The following LINGO2 variants were observed in gnomAD, a reference collection of about 807,000 sequenced individuals.
LINGO2 encodes leucine-rich repeat and immunoglobulin-like domain-containing nogo receptor-interacting protein 2.
LINGO2 carries 14 observed loss-of-function variants against 30.6 expected under a neutral mutation model. The observed-to-expected ratio is 0.46, with a 90% CI of 0.30 to 0.72. The LOEUF (loss-of-function observed/expected upper bound fraction) is 0.72, where lower values mean the gene tolerates loss of function less well. Among genes scored for constraint, LINGO2 ranks in the 30% least tolerant of loss-of-function variants. The pLI, the probability that LINGO2 is intolerant of heterozygous loss-of-function variation, is 0.07. For synonymous variants in LINGO2, 317 were observed against 288.5 expected (o/e 1.10, Z -1.00); for missense variants, 729 against 751.7 (o/e 0.97, Z 0.35).
At chr9:28,162,545 T>C (rs1033202566) in intron 4 of LINGO2, among the ~76,000 whole-genome samples, 3 of 152,154 alleles carry the variant, frequency 2.0e-5, no homozygotes, top group Non-Finnish European at 4.4e-5. Flanking sequence ...CAATGAAGGA[T>C]AAAATGCTTG....
chr9:28,984,921 C>T, the LINGO2 span, among the ~76,000 whole-genome samples: 1 of 151,776 alleles, frequency 6.6e-6, no homozygotes, highest in Non-Finnish European at 1.5e-5. Context: ...AATACATTAC[C>T]ATCACTATAT....
chr9:29,172,181 A>T, the LINGO2 span, among the ~76,000 whole-genome samples: 2 of 152,002 alleles, frequency 1.3e-5, no homozygotes, highest in Admixed American at 1.3e-4. Context: ...ATAAAATGTG[A>T]TTAGAGTATT....
At chr9:28,017,463 C>G (rs576697592) in intron 4 of LINGO2, among the ~76,000 whole-genome samples, 10 of 152,240 alleles carry the variant, frequency 6.6e-5, no homozygotes, top group African/African-American at 1.4e-4. Flanking sequence ...CCAAAAGCCC[C>G]TTGGTCAGAT....
At chr9:27,986,192 G>T (rs1056994778) in intron 5 of LINGO2, among the ~76,000 whole-genome samples, 3 of 151,140 alleles carry the variant, frequency 2.0e-5, no homozygotes, top group African/African-American at 7.3e-5. Context: ...AGACAGAAAA[G>T]AGACAGAAGA....
At chr9:28,841,128 A>G in the LINGO2 span, among the ~76,000 whole-genome samples, 8 of 151,876 alleles carry the variant, frequency 5.3e-5, no homozygotes, top group African/African-American at 1.7e-4. Flanking sequence ...ATAGTCCTAT[A>G]AATTTTTACT....
chr9:28,322,380 T>G (rs780655563), intron 3 of LINGO2, among the ~76,000 whole-genome samples: 2 of 151,940 alleles, frequency 1.3e-5, no homozygotes, highest in Non-Finnish European at 2.9e-5. Context: ...TAAGATTCAC[T>G]GAGAATAGTA....
At chr9:28,987,655 C>A in the LINGO2 span, among the ~76,000 whole-genome samples, 2 of 152,138 alleles carry the variant, frequency 1.3e-5, no homozygotes, top group African/African-American at 2.4e-5. Context: ...GATCCCTCTT[C>A]TTTTGTAATA....
Position 28,020,926 on chromosome 9 carries a change from T to A in LINGO2, c.-86-8521A>T, listed in dbSNP as rs542867695. On this transcript the variant is annotated intron_variant, in intron 4 of 5. Transcript: ENST00000379992. ...TTGGTAATTTGTGGCTTTTCCTTAT[T>A]ATTATTTTTGGCTAGCCTGGCTAAA... Among the ~76,000 whole-genome samples the A allele has an allele frequency of 2.6e-5, 4 of 152,300 alleles. No individual in the cohort carries two copies. In the South Asian group the frequency reaches 8.3e-4, roughly 32 times the overall value.
chr9:29,010,265 T>G, the LINGO2 span, among the ~76,000 whole-genome samples: 1 of 151,860 alleles, frequency 6.6e-6, no homozygotes, highest in African/African-American at 2.4e-5. Context: ...TGGGAGAAAA[T>G]TTTTACAATC....
intron 1 of LINGO2, among the ~76,000 whole-genome samples, chr9:28,553,335 G>A (rs1363206046): frequency 6.6e-6 from 1 of 152,036 alleles, no homozygotes; most frequent in African/African-American, 2.4e-5. Flanking sequence ...CAAGGCTCGA[G>A]AACTACGTGA....
intron 1 of LINGO2, among the ~76,000 whole-genome samples, chr9:28,504,669 T>C (rs1820033003): frequency 1.3e-5 from 2 of 151,726 alleles, no homozygotes; most frequent in Admixed American, 1.3e-4. Context: ...ATATGTATTT[T>C]ATACCTAATA....
In LINGO2 at chr9:28,503,704, G is replaced by T. The variant is rs554426353; in HGVS notation, c.-364-27679C>A. Reference sequence around the variant, plus strand: ...TTATTCTTTGAAAAGAAACTGTACTGGAAGGGATAAAATAGTCAGTAAAGT... The same window carrying T: ...TTATTCTTTGAAAAGAAACTGTACTTGAAGGGATAAAATAGTCAGTAAAGT... On this transcript the variant is annotated intron_variant, in intron 1 of 5. Coordinates refer to ENST00000379992, the Ensembl canonical transcript of LINGO2. 7.6e-4 allele frequency among the ~76,000 whole-genome samples: 115 copies of T among 152,020 alleles called. 1 individual carries two copies. Among genetic ancestry groups the T allele is most frequent in the African/African-American group, 2.7e-3 (111 of 41,516 alleles).
At chr9:29,188,707 C>G in the LINGO2 span, among the ~76,000 whole-genome samples, 17 of 135,382 alleles carry the variant, frequency 1.3e-4, no homozygotes, top group Admixed American at 7.5e-5. Context: ...GGGGGGCTGA[C>G]CCCCCCACCT....
At chr9:28,885,895 C>A in the LINGO2 span, among the ~76,000 whole-genome samples, 2 of 152,100 alleles carry the variant, frequency 1.3e-5, no homozygotes, top group South Asian at 4.1e-4. Flanking sequence ...CTGCATAAAC[C>A]AGATCCACTT....
the LINGO2 span, among the ~76,000 whole-genome samples, chr9:28,698,833 A>G: frequency 6.6e-6 from 1 of 151,934 alleles, no homozygotes; most frequent in Non-Finnish European, 1.5e-5. Context: ...CTTGAGGCCC[A>G]GAGTTCAAGA....
At chr9:27,971,245 C>T (rs1820338074) in intron 5 of LINGO2, among the ~76,000 whole-genome samples, 1 of 151,714 alleles carries the variant, frequency 6.6e-6, no homozygotes, top group South Asian at 2.1e-4. Context: ...TTCCATCTTT[C>T]CTTCTATTTC....
chr9:28,125,556 G>A (rs1264115430), intron 4 of LINGO2, among the ~76,000 whole-genome samples: 4 of 152,104 alleles, frequency 2.6e-5, no homozygotes, highest in Non-Finnish European at 5.9e-5. Context: ...AGCCAAATTA[G>A]ACCCAACCTT....
In LINGO2 at chr9:28,230,909, G is replaced by A. The variant is rs1173115017; in HGVS notation, c.-87+64299C>T. ...ATATATTTTCTTACTTGTTTATAAT[G>A]GTATGTAGAGTATCAAATCAAATAC... On this transcript the variant is annotated intron_variant, in intron 4 of 5. Coordinates refer to ENST00000379992, the Ensembl canonical transcript of LINGO2. Among the ~76,000 whole-genome samples, 5 of 151,764 alleles carry A rather than the reference G, an allele frequency of 3.3e-5. No homozygotes were observed. The East Asian group carries it at 7.7e-4, about 23-fold the overall frequency.
upstream of LINGO2, among the ~76,000 whole-genome samples, chr9:28,672,254 T>A (rs1359234542): frequency 6.6e-6 from 1 of 152,186 alleles, no homozygotes; most frequent in Non-Finnish European, 1.5e-5. Context: ...GCATTGCATT[T>A]TACGAATTTC....
Sources: gnomAD v4.1 joint callset for allele counts (sites outside exome capture counted in the v4.1 genomes callset) on GRCh38, gnomAD v4.1.1 for gene constraint, MANE v1.5 for transcripts, NCBI Gene and HGNC (gene_info 2026-07-23, HGNC 2026-07-21) for gene names.